DIP2C: variants seen among roughly 807,000 people sequenced by gnomAD.
The protein encoded by DIP2C is DIP2 acetate--CoA ligase C (putative).
DIP2C carries 33 observed loss-of-function variants against 192.4 expected under a neutral mutation model. The observed-to-expected ratio is 0.17, with a 90% confidence interval of 0.13 to 0.23. The LOEUF (loss-of-function observed/expected upper bound fraction) is 0.23, where lower values mean the gene tolerates loss of function less well. Ranked by LOEUF, DIP2C falls within the 10% of genes least tolerant of loss-of-function variation. The pLI is 1.00. For synonymous variants in DIP2C, 979 were observed against 864.1 expected, an observed-to-expected ratio of 1.13 and a Z score of -2.33; for missense variants, 1,537 against 2,110.1, an observed-to-expected ratio of 0.73 and a Z score of 5.32.
intron 26 of DIP2C, among the ~76,000 whole-genome samples, chr10:346,297 C>T (rs1413234761): frequency 7.6e-5 from 6 of 78,930 alleles, no homozygotes; most frequent in Middle Eastern, 7.7e-3. Context: ...ATAGTTCTCC[C>T]GGAAACGTCA....
intron 1 of DIP2C, among the ~76,000 whole-genome samples, chr10:662,612 C>T (rs754823432): frequency 2.0e-5 from 3 of 152,188 alleles, no homozygotes; most frequent in Non-Finnish European, 4.4e-5. Context: ...TGGATAAAAA[C>T]TAAGATGGAT....
intron 1 of DIP2C, among the ~76,000 whole-genome samples, chr10:497,031 G>A (rs777869175): frequency 1.3e-5 from 2 of 152,188 alleles, no homozygotes; most frequent in African/African-American, 2.4e-5. Context: ...GGCTGAGGCA[G>A]AAGAATGGCA....
intron 1 of DIP2C, among the ~76,000 whole-genome samples, chr10:637,687 C>T (rs1854916049): frequency 6.6e-6 from 1 of 152,196 alleles, no homozygotes; most frequent in Non-Finnish European, 1.5e-5. Context: ...TACAAAAGCC[C>T]ATCATTTAAT....
At chr10:511,633 C>A (rs371297022) in intron 1 of DIP2C, among the ~76,000 whole-genome samples, 732 of 9,142 alleles carry the variant, frequency 0.08, 6 homozygotes, top group Admixed American at 0.13. Flanking sequence ...GACACTGACC[C>A]AGCCTCCCCC....
At chr10:547,442 A>G (rs7100363) in intron 1 of DIP2C, among the ~76,000 whole-genome samples, 26,085 of 151,954 alleles carry the variant, frequency 0.17, 3,709 homozygotes, top group African/African-American at 0.39. Context: ...CATCACTGAG[A>G]AGGAAGGAAG....
chr10:558,822 G>C (rs1849041945), intron 1 of DIP2C, among the ~76,000 whole-genome samples: 1 of 152,150 alleles, frequency 6.6e-6, no homozygotes, highest in African/African-American at 2.4e-5. Flanking sequence ...CAAAATAATG[G>C]CAATGTCAGT....
Position 392,820 on chromosome 10 carries a change from A to G in DIP2C, c.1261-1957T>C, listed in dbSNP as rs775306831. ...ACGCGGATGCGCACACTCAGCGCAC[A>G]CACACACACACGCCCACGCACACAC... On this transcript the variant is annotated intron_variant, in intron 10 of 36. Coordinates refer to ENST00000280886, the MANE Select transcript of DIP2C (RefSeq NM_014974.3). 1.2e-3 allele frequency among the ~76,000 whole-genome samples: 175 copies of G among 150,578 alleles called. 1 individual carries two copies. Among genetic ancestry groups the G allele is most frequent in the Non-Finnish European group, 1.1e-3 (71 of 67,080 alleles).
intron 1 of DIP2C, among the ~76,000 whole-genome samples, chr10:656,079 ACT>A (rs1169570455): frequency 6.8e-6 from 1 of 146,070 alleles, no homozygotes; most frequent in Non-Finnish European, 1.5e-5. Context: ...ATAATGTTAC[ACT>A]GTTTCATCTA....
chr10:664,778 T>C (rs1856984733), intron 1 of DIP2C: 1 of 152,156 alleles, frequency 6.6e-6, no homozygotes, highest in Admixed American at 6.5e-5. Flanking sequence ...GAACCAAATA[T>C]ATATCTACAA....
chr10:638,252 T>C (rs1359802744), intron 1 of DIP2C, among the ~76,000 whole-genome samples: 1 of 152,254 alleles, frequency 6.6e-6, no homozygotes, highest in Non-Finnish European at 1.5e-5. Context: ...CTTAAAAACA[T>C]ATATGAACAG....
Position 583,502 on chromosome 10 carries a change from G to A in DIP2C, c.86-96972C>T, listed in dbSNP as rs148453338. On this transcript the variant is annotated intron_variant, in intron 1 of 36. Transcript: ENST00000280886. Reference sequence around the variant, plus strand: ...CTTTCAATGTTCAGATTTCAGTATCGATATAACTTTGTAAGCAGTCAGGAG... The same window carrying A: ...CTTTCAATGTTCAGATTTCAGTATCAATATAACTTTGTAAGCAGTCAGGAG... 9.3e-3 allele frequency among the ~76,000 whole-genome samples: 1,410 copies of A among 152,294 alleles called. 29 individuals are homozygous for A. Among genetic ancestry groups the A allele is most frequent in the African/African-American group, 0.033 (1,351 of 41,548 alleles).
chr10:379,795 GAAGTT>G (rs1962159417), intron 17 of DIP2C, among the ~76,000 whole-genome samples: 1 of 152,258 alleles, frequency 6.6e-6, no homozygotes, highest in Non-Finnish European at 1.5e-5. Flanking sequence ...TCAGCACCTG[GAAGTT>G]CAGTCTCTGC....
chr10:352,432 G>A (rs904579717), intron 24 of DIP2C, among the ~76,000 whole-genome samples: 1 of 152,190 alleles, frequency 6.6e-6, no homozygotes, highest in Non-Finnish European at 1.5e-5. Flanking sequence ...AAACAGCAAA[G>A]CTTCCAGGCA....
At chr10:646,172 A>G (rs10904533) in intron 1 of DIP2C, among the ~76,000 whole-genome samples, 150,077 of 152,286 alleles carry the variant, frequency 0.99, 73,991 homozygotes, top group Middle Eastern at 1. Flanking sequence ...CTCTCCACCC[A>G]GCCCCAGCAG....
intron 31 of DIP2C, among the ~76,000 whole-genome samples, chr10:318,914 T>TC (rs1372038254): frequency 2.0e-5 from 3 of 151,652 alleles, no homozygotes; most frequent in Non-Finnish European, 4.4e-5. Context: ...ATTTTTCTTT[T>TC]TTTTTTTTAT....
intron 2 of DIP2C, among the ~76,000 whole-genome samples, chr10:481,813 G>C (rs540280401): frequency 6.6e-6 from 1 of 152,150 alleles, no homozygotes; most frequent in Non-Finnish European, 1.5e-5. Context: ...TCAGTGGGGC[G>C]GGGGGAAGTG....
intron 1 of DIP2C, among the ~76,000 whole-genome samples, chr10:494,301 C>T (rs1349127261): frequency 6.6e-6 from 1 of 152,210 alleles, no homozygotes; most frequent in Non-Finnish European, 1.5e-5. Context: ...ACATCTCTGT[C>T]AACAGAGCTC....
intron 1 of DIP2C, among the ~76,000 whole-genome samples, chr10:615,632 CCA>C (rs10685439): frequency 5.3e-5 from 8 of 151,642 alleles, no homozygotes; most frequent in South Asian, 2.1e-4. Context: ...CACACCCGCC[CCA>C]CACACACACA....
At position 603,132 on chromosome 10, in the gene DIP2C, A is replaced by G. The variant is rs1023986407; in HGVS notation, c.85+86362T>C. The stretch of plus-strand genomic sequence containing the variant: ...GTTCTGGCATGTCATTTGTGTTAAT[A>G]AAGTCTGCAGAGTTTTCATATACTA... On this transcript the variant is annotated intron_variant, in intron 1 of 36. Transcript: ENST00000280886. 6.6e-5 allele frequency among the ~76,000 whole-genome samples: 10 copies of G among 152,004 alleles called. No homozygotes were observed. The East Asian group carries it at 1.7e-3, about 26-fold the overall frequency.
Sources: allele counts gnomAD v4.1 joint callset (sites outside exome capture counted in the v4.1 genomes callset), GRCh38; gene constraint gnomAD v4.1.1; transcripts MANE v1.5; gene names NCBI Gene and HGNC (gene_info 2026-07-23, HGNC 2026-07-21).